DPF3: variants seen among roughly 807,000 people sequenced by gnomAD.
DPF3 encodes double PHD fingers 3, also known as zinc finger protein DPF3.
DPF3 carries 18 observed loss-of-function variants against 56.8 expected under a neutral mutation model. The observed-to-expected ratio is 0.32, with a 90% confidence interval of 0.22 to 0.47. The LOEUF is 0.47. Ranked by LOEUF, DPF3 falls within the 20% of genes least tolerant of loss-of-function variation. The pLI, the probability that DPF3 is intolerant of heterozygous loss-of-function variation, is 1.00. For synonymous variants in DPF3, 188 were observed against 180.2 expected, an observed-to-expected ratio of 1.04 and a Z score of -0.35; for missense variants, 403 against 488.8, an observed-to-expected ratio of 0.82 and a Z score of 1.65.
intron 1 of DPF3, among the ~76,000 whole-genome samples, chr14:72,859,632 A>C (rs1885317805): frequency 6.6e-6 from 1 of 152,142 alleles, no homozygotes; most frequent in African/African-American, 2.4e-5. Flanking sequence ...GCTCAAAGTC[A>C]GCTGTTTGCT....
intron 8 of DPF3, among the ~76,000 whole-genome samples, chr14:72,647,875 C>T (rs904921062): frequency 7.6e-4 from 116 of 152,162 alleles, no homozygotes; most frequent in Non-Finnish European, 1.5e-3. Context: ...AGGCAGACAC[C>T]ATCAATTCTT....
chr14:72,633,517 A>G (rs1457459811), intron 8 of DPF3, among the ~76,000 whole-genome samples: 1 of 152,132 alleles, frequency 6.6e-6, no homozygotes, highest in Non-Finnish European at 1.5e-5. Context: ...TAAGAAGCAA[A>G]TCGGGTGAGT....
rs1268392401 is a variant in DPF3 at position 72,610,713 on chromosome 14, C to G, written c.*8584G>C. Among the ~76,000 whole-genome samples the G allele has an allele frequency of 1.3e-5, 2 of 152,184 alleles. No homozygotes were observed. Among genetic ancestry groups the G allele is most frequent in the Non-Finnish European group, 2.9e-5 (2 of 68,036 alleles). On this transcript the variant is annotated 3_prime_UTR_variant, in exon 11 of 11. Transcript: ENST00000556509. ...CTCAGCCTGAGAGCGCGCTCAAGGG[C>G]AGGTGGGAGATGGAGCCTTCTCAGA...
At chr14:72,656,756 T>G (rs1243625874) in intron 8 of DPF3, among the ~76,000 whole-genome samples, 1 of 152,186 alleles carries the variant, frequency 6.6e-6, no homozygotes, top group Non-Finnish European at 1.5e-5. Flanking sequence ...TTCAGGAAAC[T>G]TGGAGGTAAC....
At chr14:72,836,857 T>C (rs150671142) in intron 1 of DPF3, among the ~76,000 whole-genome samples, 122 of 152,108 alleles carry the variant, frequency 8.0e-4, no homozygotes, top group African/African-American at 2.7e-3. Context: ...CTTTACTTAA[T>C]TGGTCAGAAT....
intron 2 of DPF3, among the ~76,000 whole-genome samples, chr14:72,770,947 G>A (rs1012173531): frequency 2.7e-5 from 4 of 150,648 alleles, no homozygotes; most frequent in Admixed American, 2.6e-4. Flanking sequence ...GGGAGGCCCA[G>A]GCAGGCAGAT....
chr14:72,850,959 A>C (rs1043536025), intron 1 of DPF3, among the ~76,000 whole-genome samples: 1 of 152,174 alleles, frequency 6.6e-6, no homozygotes, highest in Non-Finnish European at 1.5e-5. Flanking sequence ...TATCAGTCCC[A>C]CTGCCCCATC....
intron 1 of DPF3, among the ~76,000 whole-genome samples, chr14:72,837,015 G>A (rs1233795764): frequency 2.6e-5 from 4 of 151,866 alleles, no homozygotes; most frequent in African/African-American, 7.3e-5. Flanking sequence ...AATTACAGGC[G>A]CGCACCACCA....
chr14:72,613,756 C>T lies in DPF3; in HGVS notation c.*5541G>A, dbSNP rs1377668048. ...ACGGAACTGGCAAGCCCGGACCCCT[C>T]CTCCTCAGAGTTTCCTGACAGCTCT... On this transcript the variant is annotated 3_prime_UTR_variant, in exon 11 of 11. Transcript: ENST00000556509. Among the ~76,000 whole-genome samples, 1 of 152,204 alleles carries T rather than the reference C, an allele frequency of 6.6e-6. No homozygotes were observed. Among genetic ancestry groups the T allele is most frequent in the African/African-American group, 2.4e-5 (1 of 41,452 alleles).
At chr14:72,720,355 G>T (rs187455666) in intron 5 of DPF3, among the ~76,000 whole-genome samples, 2 of 151,636 alleles carry the variant, frequency 1.3e-5, no homozygotes, top group Admixed American at 1.3e-4. Flanking sequence ...AAAAAATAAA[G>T]CATGGGCAAA....
At chr14:72,710,996 CAGTTAGCAGCTACAATAATATTCA>C (rs1393772949) in intron 6 of DPF3, among the ~76,000 whole-genome samples, 1 of 152,182 alleles carries the variant, frequency 6.6e-6, no homozygotes, top group African/African-American at 2.4e-5. Context: ...CTATCACCTG[CAGTTAGCAGCTACAATAATATTCA>C]AGCCACCCAT....
At chr14:72,824,485 C>T (rs1044835032) in intron 1 of DPF3, among the ~76,000 whole-genome samples, 5 of 152,216 alleles carry the variant, frequency 3.3e-5, no homozygotes, top group Non-Finnish European at 7.3e-5. Context: ...TCAGAATTAA[C>T]CCACCATTCT....
intron 1 of DPF3, among the ~76,000 whole-genome samples, chr14:72,795,820 C>T (rs1324104480): frequency 3.3e-5 from 5 of 152,134 alleles, no homozygotes; most frequent in Non-Finnish European, 5.9e-5. Context: ...GTTTACTTTC[C>T]GCAGAAAGAA....
intron 1 of DPF3, among the ~76,000 whole-genome samples, chr14:72,888,043 A>C (rs936374802): frequency 6.6e-6 from 1 of 152,162 alleles, no homozygotes; most frequent in Non-Finnish European, 1.5e-5. Flanking sequence ...GAGAGGGTGC[A>C]AAGTGGGGAT....
intron 1 of DPF3, among the ~76,000 whole-genome samples, chr14:72,820,147 G>A (rs1883469232): frequency 6.6e-6 from 1 of 152,112 alleles, no homozygotes; most frequent in South Asian, 2.1e-4. Context: ...ACATTTTATT[G>A]AATGTAAATT....
intron 1 of DPF3, among the ~76,000 whole-genome samples, chr14:72,829,201 A>G (rs1256023214): frequency 6.6e-6 from 1 of 152,142 alleles, no homozygotes; most frequent in Non-Finnish European, 1.5e-5. Flanking sequence ...TTTTTGTCCT[A>G]TGGAGATTAT....
intron 8 of DPF3, chr14:72,670,827 G>C (rs1464627554): frequency 2.6e-6 from 3 of 1,134,948 alleles, no homozygotes; most frequent in Non-Finnish European, 3.3e-6. Context: ...CCTCCCCTCA[G>C]AAAAGAGACA....
intron 1 of DPF3, among the ~76,000 whole-genome samples, chr14:72,882,218 G>A (rs189728241): frequency 1.2e-4 from 19 of 152,354 alleles, no homozygotes; most frequent in Admixed American, 1.2e-3. Flanking sequence ...AATTGTCATT[G>A]CTGATCAAAG....
At chr14:72,888,714 T>C (rs1263679077) in intron 1 of DPF3, among the ~76,000 whole-genome samples, 1 of 152,248 alleles carries the variant, frequency 6.6e-6, no homozygotes, top group South Asian at 2.1e-4. Flanking sequence ...AATTCCCCTG[T>C]TGGGTCGTAG....
Sources: gnomAD v4.1 joint callset for allele counts (sites outside exome capture counted in the v4.1 genomes callset) on GRCh38, gnomAD v4.1.1 for gene constraint, MANE v1.5 for transcripts, NCBI Gene and HGNC (gene_info 2026-07-23, HGNC 2026-07-21) for gene names.